The following DPYD variants were observed in gnomAD, a reference collection of about 807,000 sequenced individuals.
DPYD encodes the protein dihydropyrimidine dehydrogenase.
DPYD carries 109 observed loss-of-function variants against 116.2 expected under a neutral mutation model. The observed-to-expected ratio is 0.94, with a 90% CI of 0.80 to 1.10. The LOEUF is 1.10. Ranked by LOEUF, DPYD falls within the 50% of genes least tolerant of loss-of-function variation. DPYD has a pLI of 0.00. For synonymous variants in DPYD, 440 were observed against 432.0 expected (o/e 1.02, Z -0.23); for missense variants, 1,302 against 1,254.5 (o/e 1.04, Z -0.57).
chr1:97,139,409 T>C (rs1366503388), intron 20 of DPYD, among the ~76,000 whole-genome samples: 1 of 152,172 alleles, frequency 6.6e-6, no homozygotes, highest in Non-Finnish European at 1.5e-5. Flanking sequence ...ATGAATCTTT[T>C]AAAGAAAAAT....
intron 3 of DPYD, among the ~76,000 whole-genome samples, chr1:97,751,374 ATATATACATATATGTGTG>A (rs2101098331): frequency 6.9e-6 from 1 of 144,480 alleles, no homozygotes; most frequent in Admixed American, 7.0e-5. Flanking sequence ...ACACACACAT[ATATATACATATATGTGTG>A]TATATATACA....
At chr1:97,520,436 A>G (rs1648563563) in intron 12 of DPYD, among the ~76,000 whole-genome samples, 1 of 152,066 alleles carries the variant, frequency 6.6e-6, no homozygotes, top group South Asian at 2.1e-4. Flanking sequence ...ACTACCACCT[A>G]TACACTTTTC....
At chr1:97,895,444 G>A (rs1454786937) in intron 1 of DPYD, among the ~76,000 whole-genome samples, 1 of 151,730 alleles carries the variant, frequency 6.6e-6, no homozygotes, top group Non-Finnish European at 1.5e-5. Flanking sequence ...AATAGAGGAA[G>A]TAGCATGATT....
chr1:97,130,816 T>TCTTC lies in DPYD; in HGVS notation c.2623-32188_2623-32185dup, dbSNP rs1357732186. ...TTCCCTCTCTCCCTCTTTCTTTCTT[T>TCTTC]CTTCCTTTCTTTCTTCTTTCTCCTT... On this transcript the variant is annotated intron_variant, in intron 20 of 22. Coordinates refer to ENST00000370192, the MANE Select transcript of DPYD (RefSeq NM_000110.4). Among the ~76,000 whole-genome samples, 16 of 38,230 alleles carry TCTTC rather than the reference T, an allele frequency of 4.2e-4. No homozygotes were observed. In the East Asian group the frequency reaches 7.1e-3, roughly 17 times the overall value. 25.1% of individuals were successfully genotyped at this position (38,230 alleles called of 152,430 possible).
chr1:97,908,902 A>T (rs889624854), intron 1 of DPYD, among the ~76,000 whole-genome samples: 1 of 151,972 alleles, frequency 6.6e-6, no homozygotes, highest in South Asian at 2.1e-4. Context: ...TCTCACTCCA[A>T]CTTTATTGCC....
intron 19 of DPYD, among the ~76,000 whole-genome samples, chr1:97,205,663 T>C (rs932665463): frequency 6.6e-6 from 1 of 152,148 alleles, no homozygotes; most frequent in Non-Finnish European, 1.5e-5. Context: ...ATTTCCATAA[T>C]ATTTTTATAG....
intron 20 of DPYD, among the ~76,000 whole-genome samples, chr1:97,117,562 C>T (rs190746072): frequency 1.3e-3 from 205 of 152,282 alleles, no homozygotes; most frequent in Non-Finnish European, 2.2e-3. Context: ...CCATTGTATA[C>T]ATATTGCAAG....
At chr1:97,318,573 T>G (rs1285306752) in intron 16 of DPYD, among the ~76,000 whole-genome samples, 2 of 151,902 alleles carry the variant, frequency 1.3e-5, no homozygotes. Context: ...GCACCCAGAT[T>G]CATAAAGCAA....
intron 8 of DPYD, among the ~76,000 whole-genome samples, chr1:97,626,731 C>T (rs1656954605): frequency 1.3e-5 from 2 of 152,010 alleles, no homozygotes; most frequent in Admixed American, 6.6e-5. Flanking sequence ...AAATAAACGA[C>T]ATAGTAAGGA....
rs1655097476 is a variant in DPYD, at chr1:97,599,312, GTA to G, written c.851-4148_851-4147del. On this transcript the variant is annotated intron_variant, in intron 8 of 22. Coordinates refer to ENST00000370192, the MANE Select transcript of DPYD (RefSeq NM_000110.4). ...AACAACTACAGAATAAATAACAGCA[GTA>G]TATATAGTAAATTCTTTCCTTGTGC... 5.3e-5 allele frequency among the ~76,000 whole-genome samples: 8 copies of G among 152,196 alleles called. 1 individual carries two copies. In the South Asian group the frequency reaches 1.7e-3, roughly 32 times the overall value.
chr1:97,350,710 A>G (rs1487828844), intron 16 of DPYD, among the ~76,000 whole-genome samples: 5 of 152,208 alleles, frequency 3.3e-5, no homozygotes, highest in African/African-American at 1.2e-4. Context: ...AACATCTGAC[A>G]TAGTTGTTCA....
chr1:97,559,658 T>G (rs2102128219), intron 11 of DPYD, among the ~76,000 whole-genome samples: 1 of 152,202 alleles, frequency 6.6e-6, no homozygotes, highest in South Asian at 2.1e-4. Context: ...TTTTTCCTTG[T>G]CAATCGTCAG....
intron 8 of DPYD, among the ~76,000 whole-genome samples, chr1:97,654,480 T>A (rs1658783339): frequency 1.3e-5 from 2 of 152,118 alleles, no homozygotes; most frequent in Admixed American, 1.3e-4. Context: ...TTAATATTCA[T>A]AAAAGTTCAG....
At chr1:97,557,308 CTTTT>C (rs796245332) in intron 11 of DPYD, among the ~76,000 whole-genome samples, 6 of 107,158 alleles carry the variant, frequency 5.6e-5, no homozygotes, top group Non-Finnish European at 1.1e-4. Flanking sequence ...TTTTTCTTTT[CTTTT>C]TTTTTTTTTT....
chr1:97,121,175 G>T lies in DPYD; in HGVS notation c.2623-22543C>A, dbSNP rs12136135. 8.3e-3 allele frequency among the ~76,000 whole-genome samples: 1,271 copies of T among 152,276 alleles called. 7 individuals carry two copies. Among genetic ancestry groups the T allele is most frequent in the Non-Finnish European group, 0.014 (919 of 68,010 alleles). On this transcript the variant is annotated intron_variant, in intron 20 of 22. Transcript: ENST00000370192. ...AGTGCCATGGTGGAGATGCAGAGGG[G>T]TGGAGCCCCTGAGCAGGTGAGGACC...
intron 20 of DPYD, among the ~76,000 whole-genome samples, chr1:97,147,251 CAGG>C (rs1207090839): frequency 1.3e-5 from 2 of 152,098 alleles, no homozygotes; most frequent in Non-Finnish European, 2.9e-5. Flanking sequence ...GAGGCTGAGG[CAGG>C]AGAAGAATCG....
At chr1:97,742,145 T>C (rs1664302545) in intron 3 of DPYD, among the ~76,000 whole-genome samples, 1 of 152,064 alleles carries the variant, frequency 6.6e-6, no homozygotes, top group Non-Finnish European at 1.5e-5. Flanking sequence ...AAAAACAGCA[T>C]TCTCCAAGAA....
intron 12 of DPYD, among the ~76,000 whole-genome samples, chr1:97,532,252 T>C (rs922146639): frequency 6.6e-6 from 1 of 152,202 alleles, no homozygotes; most frequent in South Asian, 2.1e-4. Flanking sequence ...TAGAATATGA[T>C]CTTTTTAATG....
At chr1:97,622,779 G>A (rs1389452659) in intron 8 of DPYD, among the ~76,000 whole-genome samples, 2 of 152,016 alleles carry the variant, frequency 1.3e-5, no homozygotes, top group Non-Finnish European at 2.9e-5. Flanking sequence ...AGACTAAGTT[G>A]CATGAAGTAT....
Sources: allele counts gnomAD v4.1 joint callset (sites outside exome capture counted in the v4.1 genomes callset), GRCh38; gene constraint gnomAD v4.1.1; transcripts MANE v1.5; gene names NCBI Gene and HGNC (gene_info 2026-07-23, HGNC 2026-07-21).